PCDH19: variants seen among roughly 807,000 people sequenced by gnomAD.
PCDH19 encodes protocadherin 19.
PCDH19 carries 6 observed loss-of-function variants against 46.2 expected under a neutral mutation model. The observed-to-expected ratio is 0.13, with a 90% CI of 0.07 to 0.26. The LOEUF (loss-of-function observed/expected upper bound fraction) is 0.26. Among genes scored for constraint, PCDH19 ranks in the 10% least tolerant of loss-of-function variants. The pLI is 1.00. For synonymous variants in PCDH19, 481 were observed against 415.7 expected (o/e 1.16, Z -1.91); for missense variants, 740 against 972.3 (o/e 0.76, Z 3.18).
intron 3 of PCDH19, among the ~76,000 whole-genome samples, chrX:100,387,033 G>A (rs1209808845): frequency 2.7e-5 from 3 of 111,555 alleles, no homozygotes; most frequent in Admixed American, 9.6e-5. Flanking sequence ...GCTATGGGGT[G>A]GAGAGTGAAG....
At chrX:100,338,833 C>A (rs1033113930) in intron 5 of PCDH19, among the ~76,000 whole-genome samples, 1 of 111,796 alleles carries the variant, frequency 8.9e-6, no homozygotes, top group Non-Finnish European at 1.9e-5. Flanking sequence ...ATACCTTTAC[C>A]CCAAACACAG....
intron 5 of PCDH19, among the ~76,000 whole-genome samples, chrX:100,334,783 G>C (rs1224693868): frequency 4.8e-5 from 5 of 104,322 alleles, no homozygotes; most frequent in African/African-American, 6.9e-5. Flanking sequence ...TGTGTATAGT[G>C]TGTGTGTGCA....
intron 3 of PCDH19, among the ~76,000 whole-genome samples, chrX:100,399,088 A>T (rs1378701956): frequency 8.9e-6 from 1 of 112,158 alleles, no homozygotes; most frequent in African/African-American, 3.2e-5. Context: ...GCACATTCTA[A>T]ATGTATAATA....
In PCDH19 at chrX:100,386,313, C is replaced by T. The variant is rs771536681; in HGVS notation, c.2616+16211G>A. ...TTCAGAGTCAGGCCTTCACACACAT[C>T]GAATAAAGCATCGTGTGCTTAGTAG... On this transcript the variant is annotated intron_variant, in intron 3 of 5. Coordinates refer to ENST00000373034, the MANE Select transcript of PCDH19 (RefSeq NM_001184880.2). Among the ~76,000 whole-genome samples the T allele has an allele frequency of 2.7e-5, 3 of 111,349 alleles. No individual in the cohort carries two copies. The South Asian group carries it at 1.2e-3, about 43-fold the overall frequency.
chrX:100,408,853 C>A lies in PCDH19; in HGVS notation c.-256G>T, dbSNP rs932057239. On this transcript the variant is annotated 5_prime_UTR_variant, in exon 1 of 6. Coordinates refer to ENST00000373034, the MANE Select transcript of PCDH19 (RefSeq NM_001184880.2). ...GCTCCGAGGGGCCAAGGGAGCGCCG[C>A]GCGGCCCCGAGCCCCCTCCCTCCAG... 3 of 116,817 alleles carry A rather than the reference C, an allele frequency of 2.6e-5. No individual in the cohort carries two copies. The highest frequency in any genetic ancestry group is 9.7e-5 in the African/African-American group (3 of 30,851). The allele number at this position is 116,817 out of a possible 1,213,427, so 9.6% of individuals were successfully genotyped here. A position where few individuals can be genotyped will look rare whatever the true frequency, so the allele number is the denominator to read the frequency against.
intron 5 of PCDH19, among the ~76,000 whole-genome samples, chrX:100,325,477 C>T (rs1925666415): frequency 9.5e-6 from 1 of 105,654 alleles, no homozygotes; most frequent in African/African-American, 3.5e-5. Flanking sequence ...TCAAGCAATT[C>T]TCCTGCCTCA....
In PCDH19 at chrX:100,397,013, G is replaced by T. The variant is rs183934869; in HGVS notation, c.2616+5511C>A. ...AAACAAGACGCGCACTAAAGGGTTT[G>T]TTGGTTTCTTTTAATTAGAGGTGAT... On this transcript the variant is annotated intron_variant, in intron 3 of 5. Coordinates refer to ENST00000373034, the MANE Select transcript of PCDH19 (RefSeq NM_001184880.2). Among the ~76,000 whole-genome samples, 96 of 112,100 alleles carry T rather than the reference G, an allele frequency of 8.6e-4. 2 individuals are homozygous for T. The highest frequency in any genetic ancestry group is 3.0e-3 in the African/African-American group (94 of 30,885).
chrX:100,348,083 A>AAAG (rs1555978427), intron 4 of PCDH19, among the ~76,000 whole-genome samples: 16 of 106,538 alleles, frequency 1.5e-4, no homozygotes, highest in African/African-American at 5.3e-4. Context: ...AAAAAAAAAA[A>AAAG]AAAGAAAGAA....
chrX:100,393,317 G>A (rs1927914779), intron 3 of PCDH19, among the ~76,000 whole-genome samples: 2 of 110,659 alleles, frequency 1.8e-5, no homozygotes, highest in South Asian at 3.9e-4. Flanking sequence ...AGTTGGGAAG[G>A]GGGCTCTGAG....
At chrX:100,349,170 A>C (rs898100683) in intron 4 of PCDH19, among the ~76,000 whole-genome samples, 3 of 111,913 alleles carry the variant, frequency 2.7e-5, no homozygotes. Context: ...TTTTTATCAA[A>C]GTTTTAAAAT....
intron 3 of PCDH19, among the ~76,000 whole-genome samples, chrX:100,364,604 A>G (rs766039007): frequency 2.7e-5 from 3 of 111,472 alleles, no homozygotes; most frequent in Non-Finnish European, 5.7e-5. Context: ...CCTCTATCAC[A>G]TCACCTAACA....
chrX:100,347,051 C>A (rs773448148), intron 4 of PCDH19, among the ~76,000 whole-genome samples: 3 of 109,503 alleles, frequency 2.7e-5, no homozygotes, highest in African/African-American at 1.0e-4. Flanking sequence ...GGTACACCTG[C>A]GGGTTGCAAG....
chrX:100,340,325 CAG>C (rs1478555444), intron 5 of PCDH19, among the ~76,000 whole-genome samples: 1 of 112,120 alleles, frequency 8.9e-6, no homozygotes, highest in African/African-American at 3.2e-5. Context: ...AAAAATAAAA[CAG>C]ATGTTGTTCT....
intron 3 of PCDH19, among the ~76,000 whole-genome samples, chrX:100,381,448 GA>G (rs778178638): frequency 8.9e-6 from 1 of 112,047 alleles, no homozygotes; most frequent in African/African-American, 3.2e-5. Context: ...GCTACTCAAT[GA>G]CAGGGAAATT....
At chrX:100,357,582 T>C (rs1314112881) in intron 3 of PCDH19, among the ~76,000 whole-genome samples, 1 of 111,901 alleles carries the variant, frequency 8.9e-6, no homozygotes, top group East Asian at 2.8e-4. Context: ...GACCTTACAG[T>C]AGCTCCTTGT....
chrX:100,401,766 G>A lies in PCDH19; in HGVS notation c.2616+758C>T, dbSNP rs766342742. On this transcript the variant is annotated intron_variant, in intron 3 of 5. Transcript: ENST00000373034. ...CTTATTCTTACTCTTTTTTTTTTTC[G>A]TTGTTAGAGACGAAGTCTCACTATA... Among the ~76,000 whole-genome samples the A allele has an allele frequency of 6.8e-5, 7 of 103,006 alleles. No individual in the cohort carries two copies. The East Asian group carries it at 1.2e-3, about 18-fold the overall frequency. The allele number at this position is 103,006 out of a possible 115,157, so 89.4% of individuals were successfully genotyped here.
At chrX:100,314,473 G>A (rs1437454096) in intron 5 of PCDH19, among the ~76,000 whole-genome samples, 1 of 112,064 alleles carries the variant, frequency 8.9e-6, no homozygotes, top group South Asian at 3.7e-4. Flanking sequence ...AATATTTTCA[G>A]AAATTACTTG....
In PCDH19 at chrX:100,409,716, C is replaced by A; in HGVS notation, c.-1119G>T. The A allele has an allele frequency of 4.2e-6, 1 of 238,374 alleles. No homozygotes were observed. Among genetic ancestry groups the A allele is most frequent in the Middle Eastern group, 1.3e-3 (1 of 763 alleles). The allele number at this position is 238,374 out of a possible 1,213,427, so 19.6% of individuals were successfully genotyped here. A position where few individuals can be genotyped will look rare whatever the true frequency, so the allele number is the denominator to read the frequency against. On this transcript the variant is annotated 5_prime_UTR_variant, in exon 1 of 6. Transcript: ENST00000373034. Reference sequence around the variant, plus strand: ...TGGGGTGTCGCTCCAAGGTCCGCCGCCGCCGCCGCCGCCGCCGCCGCCGCG... The same window carrying A: ...TGGGGTGTCGCTCCAAGGTCCGCCGACGCCGCCGCCGCCGCCGCCGCCGCG...
chrX:100,322,863 A>AATTTTTTT (rs1925550697), intron 5 of PCDH19, among the ~76,000 whole-genome samples: 1 of 40,119 alleles, frequency 2.5e-5, no homozygotes. Context: ...ATATATATAT[A>AATTTTTTT]TATTTTTGCA....
Sources: gnomAD v4.1 joint callset for allele counts (sites outside exome capture counted in the v4.1 genomes callset) on GRCh38, gnomAD v4.1.1 for gene constraint, MANE v1.5 for transcripts, NCBI Gene and HGNC (gene_info 2026-07-23, HGNC 2026-07-21) for gene names.